Variants in LYNX1 observed in about 807,000 individuals in gnomAD.
The protein encoded by LYNX1 is ly-6/neurotoxin-like protein 1.
Under a neutral mutation model 8.3 loss-of-function variants are expected in LYNX1, and 8 were observed. The observed-to-expected ratio is 0.97, with a 90% CI of 0.57 to 1.74. The LOEUF (loss-of-function observed/expected upper bound fraction) is 1.74, where lower values mean the gene tolerates loss of function less well. Ranked by LOEUF, LYNX1 falls within the 40% of genes most tolerant of loss-of-function variation. The pLI, the probability that LYNX1 is intolerant of heterozygous loss-of-function variation, is 0.00. For synonymous variants in LYNX1, 73 were observed against 67.9 expected, an observed-to-expected ratio of 1.08 and a Z score of -0.37; for missense variants, 158 against 159.7, an observed-to-expected ratio of 0.99 and a Z score of 0.06.
chr8:142,776,396 G>T, intron 1 of LYNX1: 1 of 226,450 alleles, frequency 4.4e-6, no homozygotes, highest in Non-Finnish European at 9.1e-6. Context: ...AGAAGGAGTA[G>T]GGATGGGCAG....
At position 142,773,791 on chromosome 8, in the gene LYNX1, C is replaced by A. The variant is rs1486862388; in HGVS notation, c.*1376G>T. 4 of 985,258 alleles carry A rather than the reference C, an allele frequency of 4.1e-6. No homozygotes were observed. Among genetic ancestry groups the A allele is most frequent in the Non-Finnish European group, 4.8e-6 (4 of 829,956 alleles). The allele number at this position is 985,258 out of a possible 1,614,324, so 61.0% of individuals were successfully genotyped here. ...GGACAATCCTACCACATGGATATGTCACCATCCTGCCCATGCGGGATGGCT... is the reference window on the plus strand; with the variant it reads ...GGACAATCCTACCACATGGATATGTAACCATCCTGCCCATGCGGGATGGCT... On this transcript the variant is annotated 3_prime_UTR_variant, in exon 4 of 4. Coordinates refer to ENST00000652477, the MANE Select transcript of LYNX1 (RefSeq NM_177477.4).
rs1587611563 is a variant in LYNX1, at chr8:142,772,572, T to G, written c.*2595A>C. On this transcript the variant is annotated 3_prime_UTR_variant, in exon 4 of 4. Transcript: ENST00000652477. ...CAGCTACTTCACCTCCCTGTGCCTC[T>G]GTGTCCTCCTCTGTCAAAGGGGCAA... is the stretch of plus-strand genomic sequence containing the variant. The G allele has an allele frequency of 1.0e-6, 1 of 985,558 alleles. No individual in the cohort carries two copies. The highest frequency in any genetic ancestry group is 1.1e-4 in the East Asian group (1 of 8,814). The allele number at this position is 985,558 out of a possible 1,614,324, so 61.1% of individuals were successfully genotyped here. A position where few individuals can be genotyped will look rare whatever the true frequency, so the allele number is the denominator to read the frequency against.
Position 142,774,381 on chromosome 8 carries a change from C to T in LYNX1, c.*786G>A. On this transcript the variant is annotated 3_prime_UTR_variant, in exon 4 of 4. Coordinates refer to ENST00000652477, the MANE Select transcript of LYNX1 (RefSeq NM_177477.4). Reference sequence around the variant, plus strand: ...CTTTCCCTCCCTGCCCAGAATAGCGCTGGCCGGGTCAGCGTCCAGGACCCA... The same window carrying T: ...CTTTCCCTCCCTGCCCAGAATAGCGTTGGCCGGGTCAGCGTCCAGGACCCA... 1.0e-6 allele frequency: 1 copy of T among 985,850 alleles called. No homozygotes were observed. 61.1% of individuals were successfully genotyped at this position (985,850 alleles called of 1,614,324 possible). A position where few individuals can be genotyped will look rare whatever the true frequency, so the allele number is the denominator to read the frequency against.
Position 142,772,952 on chromosome 8 carries a change from C to T in LYNX1, c.*2215G>A, listed in dbSNP as rs1815244947. 3 of 985,792 alleles carry T rather than the reference C, an allele frequency of 3.0e-6. No homozygotes were observed. The highest frequency in any genetic ancestry group is 3.6e-6 in the Non-Finnish European group (3 of 830,290). 61.1% of individuals were successfully genotyped at this position (985,792 alleles called of 1,614,324 possible). ...CACCCCACCCCTCAACACCACAGCACTTCCAGCTCCAGCAGGTCCTTGTTC... is the reference window on the plus strand; with the variant it reads ...CACCCCACCCCTCAACACCACAGCATTTCCAGCTCCAGCAGGTCCTTGTTC... On this transcript the variant is annotated 3_prime_UTR_variant, in exon 4 of 4. Coordinates refer to ENST00000652477, the MANE Select transcript of LYNX1 (RefSeq NM_177477.4).
At chr8:142,776,809 G>C (rs1815442456) in intron 1 of LYNX1, 1 of 152,290 alleles carries the variant, frequency 6.6e-6, no homozygotes, top group African/African-American at 2.4e-5. Context: ...GCCCTCTCTG[G>C]AAAGAGGTTT....
In LYNX1 at chr8:142,771,640, G is replaced by C. The variant is rs2130092681; in HGVS notation, c.*3527C>G. The C allele has an allele frequency of 6.1e-6, 6 of 985,852 alleles. No homozygotes were observed. Among genetic ancestry groups the C allele is most frequent in the Non-Finnish European group, 7.2e-6 (6 of 829,974 alleles). 61.1% of individuals were successfully genotyped at this position (985,852 alleles called of 1,614,324 possible). Reference sequence around the variant, plus strand: ...TTTGAAGAGGAGAGCAGACCACCCAGAGTAGTGGGAGAAAGCACCGGCAGA... The same window carrying C: ...TTTGAAGAGGAGAGCAGACCACCCACAGTAGTGGGAGAAAGCACCGGCAGA... On this transcript the variant is annotated 3_prime_UTR_variant, in exon 4 of 4. Coordinates refer to ENST00000652477, the MANE Select transcript of LYNX1 (RefSeq NM_177477.4).
upstream of LYNX1, chr8:142,777,367 C>CCCCGCCCCTGA (rs1554646652): frequency 2.1e-5 from 2 of 93,116 alleles, no homozygotes; most frequent in African/African-American, 4.2e-5. Flanking sequence ...TCACCGCAGG[C>CCCCGCCCCTGA]CCCGCCCCGG....
rs949687682 is a variant in LYNX1, at chr8:142,774,423, C to T, written c.*744G>A. On this transcript the variant is annotated 3_prime_UTR_variant, in exon 4 of 4. Coordinates refer to ENST00000652477, the MANE Select transcript of LYNX1 (RefSeq NM_177477.4). ...CAGGACCCACCAAATATAGCATGGCCCTAGCTCCTGCCAGCTTCAGGCCTG... is the reference window on the plus strand; with the variant it reads ...CAGGACCCACCAAATATAGCATGGCTCTAGCTCCTGCCAGCTTCAGGCCTG... 1.0e-5 allele frequency: 10 copies of T among 985,880 alleles called. No homozygotes were observed. The highest frequency in any genetic ancestry group is 1.2e-5 in the Non-Finnish European group (10 of 830,226). 61.1% of individuals were successfully genotyped at this position (985,880 alleles called of 1,614,324 possible).
At chr8:142,775,546 C>A in intron 3 of LYNX1, 47 bp downstream of exon 3, 1 of 1,557,358 alleles carries the variant, frequency 6.4e-7, no homozygotes, top group Non-Finnish European at 8.7e-7. Flanking sequence ...GGCAGAACCT[C>A]CCCTTCGTGC....
chr8:142,773,646 G>A lies in LYNX1; in HGVS notation c.*1521C>T, dbSNP rs1815271417. ...ACGCAGGCCTGCATATAGACTCACT[G>A]CAAGGAGACCCCTGGGGTGGAGACC... is the stretch of plus-strand genomic sequence containing the variant. On this transcript the variant is annotated 3_prime_UTR_variant, in exon 4 of 4. Coordinates refer to ENST00000652477, the MANE Select transcript of LYNX1 (RefSeq NM_177477.4). 1 of 985,276 alleles carries A rather than the reference G, an allele frequency of 1.0e-6. No homozygotes were observed. The highest frequency in any genetic ancestry group is 1.2e-6 in the Non-Finnish European group (1 of 829,942). 61.0% of individuals were successfully genotyped at this position (985,276 alleles called of 1,614,324 possible).
rs1815315702 is a variant in LYNX1 at position 142,774,421 on chromosome 8, G to A, written c.*746C>T. On this transcript the variant is annotated 3_prime_UTR_variant, in exon 4 of 4. Coordinates refer to ENST00000652477, the MANE Select transcript of LYNX1 (RefSeq NM_177477.4). ...TCCAGGACCCACCAAATATAGCATG[G>A]CCCTAGCTCCTGCCAGCTTCAGGCC... 2 of 985,818 alleles carry A rather than the reference G, an allele frequency of 2.0e-6. No homozygotes were observed. Among genetic ancestry groups the A allele is most frequent in the South Asian group, 9.4e-5 (2 of 21,288 alleles). 61.1% of individuals were successfully genotyped at this position (985,818 alleles called of 1,614,324 possible).
Position 142,771,529 on chromosome 8 carries a change from TG to T in LYNX1, c.*3637del, listed in dbSNP as rs2130092056. On this transcript the variant is annotated 3_prime_UTR_variant, in exon 4 of 4. Transcript: ENST00000652477. ...AGGTGGCTCTGTCCACCCTTCTGTC[TG>T]GGAGGCTCCTTAAGGCTGGGGAGGG... 1.0e-6 allele frequency: 1 copy of T among 985,316 alleles called. No homozygotes were observed. The highest frequency in any genetic ancestry group is 1.1e-4 in the East Asian group (1 of 8,782). 61.0% of individuals were successfully genotyped at this position (985,316 alleles called of 1,614,324 possible). A position where few individuals can be genotyped will look rare whatever the true frequency, so the allele number is the denominator to read the frequency against.
At position 142,775,120 on chromosome 8, in the gene LYNX1, AGT is replaced by A. The variant is rs1815347559; in HGVS notation, c.*45_*46del. The A allele has an allele frequency of 3.2e-6, 5 of 1,583,528 alleles. No individual in the cohort carries two copies. Among genetic ancestry groups the A allele is most frequent in the Non-Finnish European group, 4.3e-6 (5 of 1,167,374 alleles). On this transcript the variant is annotated 3_prime_UTR_variant, in exon 4 of 4. Transcript: ENST00000652477. ...GGTGAGCTGGGTGCGAGGGTGTAGC[AGT>A]GTGTCTCGAGAGCTTTGTTCTTGAG...
upstream of LYNX1, chr8:142,777,852 C>T: frequency 2.5e-6 from 1 of 398,774 alleles, no homozygotes; most frequent in Non-Finnish European, 4.4e-6. Context: ...GCCCGCGCCG[C>T]GTCGTTTGTC....
intron 2 of LYNX1, 37 bp downstream of exon 2, chr8:142,775,869 T>A: frequency 6.2e-7 from 1 of 1,613,078 alleles, no homozygotes; most frequent in Non-Finnish European, 8.5e-7. Context: ...GCCCTCAAAG[T>A]GGGTCTGCCC....
Position 142,776,090 on chromosome 8 carries a change from G to C in LYNX1, c.-133C>G. ...GGACGTGGGGCCGGCCCTGCCTCCC[G>C]GAGCTCCTGGTCTACTGGGAGTGCT... On this transcript the variant is annotated 5_prime_UTR_variant, in exon 2 of 4. Coordinates refer to ENST00000652477, the MANE Select transcript of LYNX1 (RefSeq NM_177477.4). 2 of 1,017,372 alleles carry C rather than the reference G, an allele frequency of 2.0e-6. No homozygotes were observed. The highest frequency in any genetic ancestry group is 2.9e-6 in the Non-Finnish European group (2 of 678,210). 63.0% of individuals were successfully genotyped at this position (1,017,372 alleles called of 1,614,324 possible).
Position 142,775,969 on chromosome 8 carries a change from G to C in LYNX1, c.-12C>G. The C allele has an allele frequency of 6.2e-7, 1 of 1,613,890 alleles. No individual in the cohort carries two copies. The highest frequency in any genetic ancestry group is 8.5e-7 in the Non-Finnish European group (1 of 1,180,016). ...AGCAGGGGCGTCATGGCTGCAGGCA[G>C]GAGGGCAGCGTGGGAGTGGGGAGGT... On this transcript the variant is annotated 5_prime_UTR_variant, in exon 2 of 4. Coordinates refer to ENST00000652477, the MANE Select transcript of LYNX1 (RefSeq NM_177477.4).
At position 142,774,080 on chromosome 8, in the gene LYNX1, G is replaced by A; in HGVS notation, c.*1087C>T. 9 of 985,372 alleles carry A rather than the reference G, an allele frequency of 9.1e-6. No individual in the cohort carries two copies. The highest frequency in any genetic ancestry group is 1.1e-5 in the Non-Finnish European group (9 of 829,940). The allele number at this position is 985,372 out of a possible 1,614,324, so 61.0% of individuals were successfully genotyped here. ...GCCCTCCCAGTGGGTGCATCCCCAG[G>A]TGGAAGGTGATGGAGGGACCCACTC... On this transcript the variant is annotated 3_prime_UTR_variant, in exon 4 of 4. Coordinates refer to ENST00000652477, the MANE Select transcript of LYNX1 (RefSeq NM_177477.4).
Position 142,772,214 on chromosome 8 carries a change from A to AC in LYNX1, c.*2952dup. The AC allele has an allele frequency of 1.0e-6, 1 of 986,026 alleles. No individual in the cohort carries two copies. Among genetic ancestry groups the AC allele is most frequent in the Non-Finnish European group, 1.2e-6 (1 of 830,020 alleles). The allele number at this position is 986,026 out of a possible 1,614,324, so 61.1% of individuals were successfully genotyped here. A position where few individuals can be genotyped will look rare whatever the true frequency, so the allele number is the denominator to read the frequency against. On this transcript the variant is annotated 3_prime_UTR_variant, in exon 4 of 4. Coordinates refer to ENST00000652477, the MANE Select transcript of LYNX1 (RefSeq NM_177477.4). The stretch of plus-strand genomic sequence containing the variant: ...ACTCAGGTCCACACAGACAGTGGCA[A>AC]CAGCTAGCCCTGGGCATCTACCCCC...
Sources: gnomAD v4.1 joint callset for allele counts on GRCh38, gnomAD v4.1.1 for gene constraint, MANE v1.5 for transcripts, NCBI Gene and HGNC (gene_info 2026-07-23, HGNC 2026-07-21) for gene names.